The following CYREN variants were observed in gnomAD, a reference collection of about 807,000 sequenced individuals.
The protein encoded by CYREN is cell cycle regulator of NHEJ, also known as cell cycle regulator of non-homologous end joining.
Under a neutral mutation model 9.7 loss-of-function variants are expected in CYREN, and 7 were observed. That is an observed-to-expected ratio of 0.72 (90% CI 0.41 to 1.36). The LOEUF (loss-of-function observed/expected upper bound fraction) is 1.36. Ranked by LOEUF, CYREN falls within the 40% of genes most tolerant of loss-of-function variation. The pLI, the probability that CYREN is intolerant of heterozygous loss-of-function variation, is 0.01. For missense variants in CYREN, 215 were observed against 198.1 expected (o/e 1.09, Z -0.51); for synonymous variants, 76 against 77.9 (o/e 0.98, Z 0.13).
At chr7:135,106,864 G>A (rs1373458163) in intron 2 of CYREN, among the ~76,000 whole-genome samples, 1 of 152,062 alleles carries the variant, frequency 6.6e-6, no homozygotes, top group East Asian at 1.9e-4. Context: ...TGGATGATAA[G>A]CTATTTATTA....
intron 2 of CYREN, among the ~76,000 whole-genome samples, chr7:135,126,700 T>G (rs1827922356): frequency 6.6e-6 from 1 of 151,962 alleles, no homozygotes; most frequent in South Asian, 2.1e-4. Context: ...AACGGAGACC[T>G]CAGAAATAAT....
At chr7:135,167,065 G>C in intron 3 of CYREN, 194 bp from the exon 4 acceptor site, 1 of 985,288 alleles carries the variant, frequency 1.0e-6, no homozygotes, top group Non-Finnish European at 1.2e-6. Flanking sequence ...CACAGCTCTT[G>C]AAGAAACCAG....
At chr7:135,097,097 A>T (rs1465986110) in intron 2 of CYREN, among the ~76,000 whole-genome samples, 1 of 150,112 alleles carries the variant, frequency 6.7e-6, no homozygotes, top group African/African-American at 2.5e-5. Flanking sequence ...ATGAATGCTT[A>T]TCACATCAAC....
intron 2 of CYREN, among the ~76,000 whole-genome samples, chr7:135,130,040 C>G (rs780436474): frequency 6.6e-6 from 1 of 152,044 alleles, no homozygotes; most frequent in Non-Finnish European, 1.5e-5. Flanking sequence ...ACTTACAGAC[C>G]CTTTGTCTCT....
At chr7:135,109,028 T>C (rs915438320) in intron 2 of CYREN, among the ~76,000 whole-genome samples, 1 of 149,916 alleles carries the variant, frequency 6.7e-6, no homozygotes, top group Non-Finnish European at 1.5e-5. Context: ...GTTTTATAGC[T>C]CTATAAGATC....
chr7:135,115,805 C>T, intron 2 of CYREN: 1 of 514,544 alleles, frequency 1.9e-6, no homozygotes, highest in Non-Finnish European at 3.4e-6. Context: ...GTTATCAGGC[C>T]TTATTTAATT....
intron 2 of CYREN, chr7:135,135,245 T>C (rs1829292565): frequency 6.6e-7 from 1 of 1,522,790 alleles, no homozygotes; most frequent in East Asian, 2.5e-5. Context: ...TATCTGAAGT[T>C]CCAAAGGGAG....
At chr7:135,164,359 G>T (rs919779914), downstream of CYREN, 194 of 1,370,920 alleles carry the variant, frequency 1.4e-4, no homozygotes, top group Non-Finnish European at 1.8e-4. Flanking sequence ...ACATGAGCTT[G>T]TCTGGACACA....
intron 2 of CYREN, among the ~76,000 whole-genome samples, chr7:135,157,237 A>G (rs1356594029): frequency 6.6e-6 from 1 of 152,168 alleles, no homozygotes; most frequent in Non-Finnish European, 1.5e-5. Context: ...TATAAGGGAG[A>G]ATTTTTTCCT....
intron 1 of CYREN, 123 bp from the exon 2 acceptor site, chr7:135,169,183 C>A: frequency 5.7e-6 from 2 of 351,946 alleles, no homozygotes; most frequent in Non-Finnish European, 1.0e-5. Context: ...CATTCACAGG[C>A]ATCAGGCAGG....
At chr7:135,164,480 G>C (rs955472527), downstream of CYREN, 2 of 1,604,740 alleles carry the variant, frequency 1.2e-6, no homozygotes, top group Non-Finnish European at 1.7e-6. Context: ...ACCAGCTGCT[G>C]TTCATGAGCA....
At chr7:135,102,681 C>T (rs1288357265) in intron 2 of CYREN, among the ~76,000 whole-genome samples, 6 of 151,332 alleles carry the variant, frequency 4.0e-5, no homozygotes, top group Admixed American at 3.3e-4. Context: ...CTCCCATCTC[C>T]AGATCATAAA....
chr7:135,171,793 G>A (rs1022126258), upstream of CYREN, among the ~76,000 whole-genome samples: 2 of 98,850 alleles, frequency 2.0e-5, no homozygotes, highest in Non-Finnish European at 4.6e-5. Context: ...CCTGTGGAGC[G>A]TCCCTGCAGA....
chr7:135,111,593 C>T (rs1487159368), intron 2 of CYREN, among the ~76,000 whole-genome samples: 2 of 151,634 alleles, frequency 1.3e-5, no homozygotes, highest in Non-Finnish European at 2.9e-5. Flanking sequence ...TCTTTAATAA[C>T]ATTTCACAAT....
At chr7:135,115,491 T>C (rs533800152) in intron 2 of CYREN, 66 of 1,551,378 alleles carry the variant, frequency 4.3e-5, no homozygotes, top group East Asian at 2.7e-4. Flanking sequence ...GATAAAGGAA[T>C]AGTTCAAACT....
intron 2 of CYREN, among the ~76,000 whole-genome samples, chr7:135,126,369 A>C (rs1417035020): frequency 6.6e-6 from 1 of 152,026 alleles, no homozygotes; most frequent in African/African-American, 2.4e-5. Context: ...AGAACTACAG[A>C]CCACCAAGGA....
intron 2 of CYREN, among the ~76,000 whole-genome samples, chr7:135,144,053 G>A (rs562977828): frequency 1.1e-4 from 16 of 152,134 alleles, no homozygotes; most frequent in African/African-American, 1.9e-4. Context: ...TCTCCCTACC[G>A]CTGTGAAGCA....
downstream of CYREN, chr7:135,164,782 G>A (rs559385983): frequency 6.9e-5 from 111 of 1,614,210 alleles, no homozygotes; most frequent in Non-Finnish European, 8.7e-5. Context: ...AGAGCGTGGC[G>A]GCTGGCAGTG....
At chr7:135,164,216 CA>C (rs1474174343), downstream of CYREN, among the ~76,000 whole-genome samples, 1 of 152,228 alleles carries the variant, frequency 6.6e-6, no homozygotes, top group Non-Finnish European at 1.5e-5. Flanking sequence ...CTCCTGACCT[CA>C]AATCAGAGGG....
Sources: gnomAD v4.1 joint callset for allele counts (sites outside exome capture counted in the v4.1 genomes callset) on GRCh38, gnomAD v4.1.1 for gene constraint, MANE v1.5 for transcripts, NCBI Gene and HGNC (gene_info 2026-07-23, HGNC 2026-07-21) for gene names.